The following PTPN12 variants were observed in gnomAD, a reference collection of about 807,000 sequenced individuals.
The protein encoded by PTPN12 is protein tyrosine phosphatase non-receptor type 12.
A neutral mutation model predicts 97.6 loss-of-function variants in PTPN12; 29 were observed. That is an observed-to-expected ratio of 0.30 (90% CI 0.22 to 0.41). The LOEUF (loss-of-function observed/expected upper bound fraction) is 0.41, where lower values mean the gene tolerates loss of function less well. Among genes scored for constraint, PTPN12 ranks in the 10% least tolerant of loss-of-function variants. The pLI, the probability that PTPN12 is intolerant of heterozygous loss-of-function variation, is 1.00. For synonymous variants in PTPN12, 327 were observed against 300.4 expected (o/e 1.09, Z -0.91); for missense variants, 819 against 926.0 (o/e 0.88, Z 1.50).
chr7:77,611,073 A>C, intron 11 of PTPN12, 27 bp downstream of exon 11: 1 of 1,541,640 alleles, frequency 6.5e-7, no homozygotes, highest in Non-Finnish European at 8.9e-7. Context: ...TATTAATTTT[A>C]GGAAACTTTT....
At chr7:77,604,209 CTTTTTTTTTTTTTT>C (rs71082768) in intron 8 of PTPN12, among the ~76,000 whole-genome samples, 24 of 52,802 alleles carry the variant, frequency 4.5e-4, no homozygotes, top group African/African-American at 2.0e-3. Context: ...TTTTTTCTTC[CTTTTTTTTTTTTTT>C]TTTTTTTTTT....
At chr7:77,608,752 AT>A (rs1250383399) in intron 9 of PTPN12, among the ~76,000 whole-genome samples, 1 of 152,114 alleles carries the variant, frequency 6.6e-6, no homozygotes, top group African/African-American at 2.4e-5. Context: ...GGGGTTAAAT[AT>A]TTTTTTCCTC....
At chr7:77,638,881 A>C (rs769296474) in intron 17 of PTPN12, 150 bp downstream of exon 17, 22 of 1,263,652 alleles carry the variant, frequency 1.7e-5, no homozygotes, top group Non-Finnish European at 2.3e-5. Flanking sequence ...TGAAATACTT[A>C]ATTCTATTTC....
intron 6 of PTPN12, among the ~76,000 whole-genome samples, chr7:77,592,690 A>G (rs1373906152): frequency 6.6e-6 from 1 of 152,170 alleles, no homozygotes; most frequent in Non-Finnish European, 1.5e-5. Flanking sequence ...TTTAAGACCT[A>G]CCATACTGGA....
At chr7:77,554,217 G>C (rs1807601275) in intron 1 of PTPN12, among the ~76,000 whole-genome samples, 1 of 152,276 alleles carries the variant, frequency 6.6e-6, no homozygotes, top group South Asian at 2.1e-4. Flanking sequence ...CTCCTGCCTT[G>C]GCTTCCCAAA....
chr7:77,552,038 C>G (rs1035478179), intron 1 of PTPN12, among the ~76,000 whole-genome samples: 1 of 152,124 alleles, frequency 6.6e-6, no homozygotes, highest in Non-Finnish European at 1.5e-5. Flanking sequence ...ATCTCCACAC[C>G]CATTCACTGA....
chr7:77,551,571 T>C (rs1040618711), intron 1 of PTPN12, among the ~76,000 whole-genome samples: 2 of 152,238 alleles, frequency 1.3e-5, no homozygotes, highest in Admixed American at 1.3e-4. Flanking sequence ...CAAAAATCAA[T>C]GTGGATGGTC....
intron 2 of PTPN12, among the ~76,000 whole-genome samples, chr7:77,572,272 T>G (rs1369844535): frequency 6.6e-6 from 1 of 152,128 alleles, no homozygotes; most frequent in East Asian, 1.9e-4. Context: ...CAGCTAATTT[T>G]TTGTATTTTA....
rs1289373454 is a variant in PTPN12, at chr7:77,610,655, A to C, written c.763-110A>C. ...AGATGCATTAAGTGGTGTTCAATAA[A>C]TGTTTGCAGTAAACCAGCAGGTATT... On this transcript the variant is annotated intron_variant, in intron 9 of 17. Coordinates refer to ENST00000248594, the MANE Select transcript of PTPN12 (RefSeq NM_002835.4). 3 of 1,128,470 alleles carry C rather than the reference A, an allele frequency of 2.7e-6. No individual in the cohort carries two copies. The African/African-American group carries it at 4.7e-5, about 18-fold the overall frequency. The allele number at this position is 1,128,470 out of a possible 1,614,324, so 69.9% of individuals were successfully genotyped here.
At chr7:77,636,733 A>G (rs1020725595) in intron 15 of PTPN12, 5 of 250,392 alleles carry the variant, frequency 2.0e-5, no homozygotes, top group East Asian at 1.5e-4. Flanking sequence ...ATAAAATACA[A>G]TAATGATATA....
chr7:77,583,588 C>A lies in PTPN12; in HGVS notation c.319C>A (p.Gln107Lys). The change falls in exon 4 of 18, where the codon CAA (glutamine) becomes AAA (lysine). Residue 107 changes from glutamine (Q) to lysine (K), a missense_variant. By Grantham distance (53) the Gln-to-Lys change is moderately conservative (BLOSUM62 1). Transcript: ENST00000248594. ...VYGPKAYVAT[Q>K]GPLANTVIDF... ...TGGGCCAAAAGCATATGTAGCAACT[C>A]AAGGACCTTTAGCAAATACAGTAAT... is the stretch of plus-strand genomic sequence containing the variant. 1 of 1,611,770 alleles carries A rather than the reference C, an allele frequency of 6.2e-7. No individual in the cohort carries two copies. Among genetic ancestry groups the A allele is most frequent in the African/African-American group, 1.3e-5 (1 of 74,978 alleles).
At chr7:77,558,889 T>C (rs964020021) in intron 1 of PTPN12, among the ~76,000 whole-genome samples, 3 of 152,172 alleles carry the variant, frequency 2.0e-5, no homozygotes, top group Non-Finnish European at 4.4e-5. Context: ...TGTGCACCTG[T>C]GTAGTCTTAG....
chr7:77,615,780 A>G lies in PTPN12; in HGVS notation c.940-2700A>G, dbSNP rs114566090. ...GTTGGTGATTGCTTCAGCAAGTTGT[A>G]TACATGACAAATGTGGACTCAAAAA... On this transcript the variant is annotated intron_variant, in intron 11 of 17. Coordinates refer to ENST00000248594, the MANE Select transcript of PTPN12 (RefSeq NM_002835.4). Among the ~76,000 whole-genome samples the G allele has an allele frequency of 3.3e-3, 509 of 152,314 alleles. 4 individuals are homozygous for G. The highest frequency in any genetic ancestry group is 0.011 in the African/African-American group (442 of 41,572).
At chr7:77,587,719 C>T (rs575235115) in intron 5 of PTPN12, among the ~76,000 whole-genome samples, 1 of 152,342 alleles carries the variant, frequency 6.6e-6, no homozygotes, top group East Asian at 1.9e-4. Flanking sequence ...TAGATGGCAT[C>T]TTCTTCCAAT....
In PTPN12 at chr7:77,623,789, C is replaced by T. The variant is rs115343701; in HGVS notation, c.1026-2916C>T. ...TGTACACGTAGGGAAAATAATACAC[C>T]TCAATTTATATCAAAATTTTATCTC... On this transcript the variant is annotated intron_variant, in intron 12 of 17. Coordinates refer to ENST00000248594, the MANE Select transcript of PTPN12 (RefSeq NM_002835.4). Among the ~76,000 whole-genome samples, 308 of 152,256 alleles carry T rather than the reference C, an allele frequency of 2.0e-3. 1 individual carries two copies. The highest frequency in any genetic ancestry group is 6.3e-3 in the African/African-American group (263 of 41,530).
chr7:77,597,724 T>A, intron 6 of PTPN12, 118 bp from the exon 7 acceptor site: 1 of 1,247,492 alleles, frequency 8.0e-7, no homozygotes, highest in Non-Finnish European at 1.1e-6. Context: ...ATCAGGTACA[T>A]CTGGAATTTT....
chr7:77,632,759 C>G (rs1789447354), intron 14 of PTPN12, among the ~76,000 whole-genome samples: 1 of 151,732 alleles, frequency 6.6e-6, no homozygotes, highest in Non-Finnish European at 1.5e-5. Flanking sequence ...GAGTTGGAGA[C>G]CAGCCTGGCC....
At chr7:77,557,543 T>C (rs1475980544) in intron 1 of PTPN12, among the ~76,000 whole-genome samples, 1 of 152,190 alleles carries the variant, frequency 6.6e-6, no homozygotes, top group East Asian at 1.9e-4. Context: ...TTTGCATTTT[T>C]TTATTGTGAT....
At chr7:77,637,153 T>G (rs1789623785) in intron 16 of PTPN12, 105 bp downstream of exon 16, 7 of 911,128 alleles carry the variant, frequency 7.7e-6, no homozygotes, top group Non-Finnish European at 1.0e-5. Flanking sequence ...TTTCTGTATG[T>G]GAAAATGTCT....
Sources: allele counts gnomAD v4.1 joint callset (sites outside exome capture counted in the v4.1 genomes callset), GRCh38; gene constraint gnomAD v4.1.1; transcripts MANE v1.5; gene names NCBI Gene and HGNC (gene_info 2026-07-23, HGNC 2026-07-21).